Variants in ULK2 observed in about 807,000 individuals in gnomAD.
ULK2 encodes serine/threonine-protein kinase ULK2.
A neutral mutation model predicts 127.5 loss-of-function variants in ULK2; 76 were observed. The ratio of observed to expected loss-of-function variants is 0.60; its 90% confidence interval spans 0.50 to 0.72. ULK2 has a LOEUF of 0.72. ULK2 is among the 30% of genes least tolerant of loss of function. The pLI is 0.00. For synonymous variants in ULK2, 452 were observed against 461.9 expected, an observed-to-expected ratio of 0.98 and a Z score of 0.28; for missense variants, 1,144 against 1,295.9, an observed-to-expected ratio of 0.88 and a Z score of 1.80.
At chr17:19,777,084 CCTACCTACCTACCTAT>C (rs1397737973) in intron 26 of ULK2, among the ~76,000 whole-genome samples, 4 of 151,524 alleles carry the variant, frequency 2.6e-5, no homozygotes, top group South Asian at 2.1e-4. Flanking sequence ...TATGTATCTA[CCTACCTACCTACCTAT>C]CTACCTACCT....
chr17:19,861,042 C>CTCCT (rs1567731783), intron 3 of ULK2: 1 of 149,994 alleles, frequency 6.7e-6, no homozygotes, highest in Non-Finnish European at 1.5e-5. Context: ...CCACCCTGGG[C>CTCCT]GACAAGAGCA....
At chr17:19,780,189 A>T (rs1233740638) in intron 25 of ULK2, among the ~76,000 whole-genome samples, 1 of 149,366 alleles carries the variant, frequency 6.7e-6, no homozygotes, top group Non-Finnish European at 1.5e-5. Context: ...AAAAAAAAAG[A>T]AAAAAAAAAG....
intron 10 of ULK2, among the ~76,000 whole-genome samples, chr17:19,836,144 C>T (rs539665015): frequency 1.1e-4 from 16 of 149,588 alleles, no homozygotes; most frequent in Non-Finnish European, 2.1e-4. Flanking sequence ...GGCATGGTGG[C>T]TCACGCTTGT....
At chr17:19,814,438 A>ATATATTTTTTT (rs1318303261) in intron 13 of ULK2, among the ~76,000 whole-genome samples, 3 of 23,332 alleles carry the variant, frequency 1.3e-4, no homozygotes, top group African/African-American at 5.7e-4. Flanking sequence ...ATATATATAT[A>ATATATTTTTTT]TTTTTTTTTT....
At chr17:19,836,832 G>C (rs995015265) in intron 10 of ULK2, among the ~76,000 whole-genome samples, 2 of 151,344 alleles carry the variant, frequency 1.3e-5, no homozygotes, top group African/African-American at 4.9e-5. Context: ...CTGAACCCAG[G>C]AGGCGGAAGT....
intron 20 of ULK2, among the ~76,000 whole-genome samples, chr17:19,792,445 T>G (rs1237975230): frequency 6.6e-6 from 1 of 152,236 alleles, no homozygotes; most frequent in African/African-American, 2.4e-5. Context: ...TTCCATTATG[T>G]GATGATGCAG....
At chr17:19,857,587 G>A (rs998063534) in intron 3 of ULK2, among the ~76,000 whole-genome samples, 4 of 152,048 alleles carry the variant, frequency 2.6e-5, no homozygotes, top group African/African-American at 9.7e-5. Flanking sequence ...TCTTTTTCTT[G>A]CGATACTAAA....
chr17:19,864,702 C>T, intron 3 of ULK2, 101 bp downstream of exon 3: 1 of 422,452 alleles, frequency 2.4e-6, no homozygotes, highest in Non-Finnish European at 4.0e-6. Flanking sequence ...ATCTTTTCAA[C>T]AAGAATTAAG....
At chr17:19,827,284 A>C (rs1474909524) in intron 10 of ULK2, among the ~76,000 whole-genome samples, 5 of 152,224 alleles carry the variant, frequency 3.3e-5, no homozygotes, top group African/African-American at 1.2e-4. Context: ...ATGTCCTCCT[A>C]TGATGGGTAA....
At chr17:19,862,091 C>A (rs541931888) in intron 3 of ULK2, among the ~76,000 whole-genome samples, 2 of 151,602 alleles carry the variant, frequency 1.3e-5, no homozygotes, top group South Asian at 4.2e-4. Context: ...CTTAAACATC[C>A]TTTTTCTTTT....
chr17:19,783,044 T>C (rs1010241026), intron 22 of ULK2, among the ~76,000 whole-genome samples: 1 of 152,234 alleles, frequency 6.6e-6, no homozygotes, highest in Non-Finnish European at 1.5e-5. Flanking sequence ...CCCACTCTTT[T>C]ATGGTTAAAT....
intron 3 of ULK2, among the ~76,000 whole-genome samples, chr17:19,859,925 C>T (rs536371687): frequency 6.6e-6 from 1 of 152,354 alleles, no homozygotes; most frequent in East Asian, 1.9e-4. Flanking sequence ...AATCCTCCAG[C>T]TTCAGCTTCC....
At chr17:19,809,890 G>A (rs540206263) in intron 14 of ULK2, among the ~76,000 whole-genome samples, 1 of 152,084 alleles carries the variant, frequency 6.6e-6, no homozygotes, top group South Asian at 2.1e-4. Flanking sequence ...GGGCCACAGA[G>A]CAAGACTCCA....
chr17:19,780,625 G>A lies in ULK2; in HGVS notation c.2763C>T (p.Val921=). 2 of 1,596,304 alleles carry A rather than the reference G, an allele frequency of 1.3e-6. No homozygotes were observed. Among genetic ancestry groups the A allele is most frequent in the South Asian group, 1.1e-5 (1 of 87,110 alleles). Residue 921 remains valine (V), a synonymous_variant, in exon 25 of 27, where the codon GTC becomes GTT. Transcript: ENST00000395544. ...LSPSTAVKQV[V]KNLNERYKFC... ...ATTTATATCGTTCGTTCAGATTCTT[G>A]ACAACTGAAAAAAAATTGAGATGGG...
At chr17:19,832,381 G>T (rs1399318577) in intron 10 of ULK2, among the ~76,000 whole-genome samples, 1 of 151,514 alleles carries the variant, frequency 6.6e-6, no homozygotes, top group East Asian at 2.0e-4. Context: ...AATCCTCCCA[G>T]CTCAGCCTCC....
chr17:19,830,170 C>T (rs2041402491), intron 10 of ULK2, among the ~76,000 whole-genome samples: 1 of 152,104 alleles, frequency 6.6e-6, no homozygotes, highest in Admixed American at 6.5e-5. Flanking sequence ...CCAAAACAGA[C>T]CACACCTTAG....
At chr17:19,802,428 T>G (rs535766396) in intron 15 of ULK2, among the ~76,000 whole-genome samples, 1 of 152,162 alleles carries the variant, frequency 6.6e-6, no homozygotes, top group Non-Finnish European at 1.5e-5. Flanking sequence ...GCTTATTCCA[T>G]GTAATATAAG....
chr17:19,797,319 T>C (rs1274665159), intron 18 of ULK2, 77 bp downstream of exon 18: 8 of 1,417,968 alleles, frequency 5.6e-6, no homozygotes, highest in African/African-American at 1.5e-5. Context: ...AAAAAAATTA[T>C]AGCTATTCTC....
chr17:19,829,053 G>T (rs2041364607), intron 10 of ULK2, among the ~76,000 whole-genome samples: 1 of 151,698 alleles, frequency 6.6e-6, no homozygotes, highest in Non-Finnish European at 1.5e-5. Flanking sequence ...GGGTGAAAGT[G>T]TAAGACTCCA....
Sources: allele counts gnomAD v4.1 joint callset (sites outside exome capture counted in the v4.1 genomes callset), GRCh38; gene constraint gnomAD v4.1.1; transcripts MANE v1.5; gene names NCBI Gene and HGNC (gene_info 2026-07-23, HGNC 2026-07-21).